CUL9: variants seen among roughly 807,000 people sequenced by gnomAD.
CUL9 encodes the protein cullin-9.
A neutral mutation model predicts 272.6 loss-of-function variants in CUL9; 79 were observed. The ratio of observed to expected loss-of-function variants is 0.29; its 90% CI spans 0.24 to 0.35. The LOEUF is 0.35. CUL9 is among the 10% of genes least tolerant of loss of function. The pLI is 1.00. For synonymous variants in CUL9, 1,186 were observed against 1,286.5 expected (o/e 0.92, Z 1.67); for missense variants, 2,532 against 3,255.6 (o/e 0.78, Z 5.41).
chr6:43,191,252 T>TTGTGTGTGTGTGTGTGTGTG (rs58122260), intron 8 of CUL9, among the ~76,000 whole-genome samples: 1 of 126,974 alleles, frequency 7.9e-6, no homozygotes, highest in African/African-American at 3.2e-5. Context: ...CTAAATTGCA[T>TTGTGTGTGTGTGTGTGTGTG]TGTGTGTGTG....
Position 43,205,039 on chromosome 6 carries a change from G to A in CUL9, c.4556G>A (p.Arg1519Gln), listed in dbSNP as rs1270080849. The change falls in exon 23 of 41, where the codon CGG becomes CAG. Residue 1519 changes from arginine to glutamine, a missense_variant. By Grantham distance (43) the Arg-to-Gln change is conservative (BLOSUM62 1). This residue lies in a region of CUL9 where 2,218 missense variants were observed against 2,788.6 expected (regional missense o/e 0.80). Transcript: ENST00000252050. ...QRAGSELFGP[R>Q]AAFMLALRSG... ...GCAGGCTCCGAGCTGTTTGGGCCTC[G>A]GGCAGCCTTCATGCTGGCTCTGCGC... is the stretch of plus-strand genomic sequence containing the variant. 1.9e-6 allele frequency: 3 copies of A among 1,612,422 alleles called. No individual in the cohort carries two copies. The highest frequency in any genetic ancestry group is 2.7e-5 in the African/African-American group (2 of 74,892).
chr6:43,201,059 C>G (rs2150574195), intron 16 of CUL9, among the ~76,000 whole-genome samples: 1 of 152,316 alleles, frequency 6.6e-6, no homozygotes, highest in African/African-American at 2.4e-5. Context: ...TGGCACTGCC[C>G]TGTGCTTAGT....
chr6:43,216,115 GC>G, intron 30 of CUL9, 42 bp from the exon 31 acceptor site: 1 of 1,552,480 alleles, frequency 6.4e-7, no homozygotes, highest in Non-Finnish European at 8.8e-7. Flanking sequence ...AGGCTGGATA[GC>G]AGGGCAGGAA....
rs1774373449 is a variant in CUL9, at chr6:43,199,975, A to G, written c.3203A>G (p.His1068Arg). The G allele has an allele frequency of 5.0e-6, 8 of 1,614,230 alleles. No individual in the cohort carries two copies. Among genetic ancestry groups the G allele is most frequent in the South Asian group, 1.1e-5 (1 of 91,086 alleles). The change falls in exon 14 of 41, where the codon CAT becomes CGT. Residue 1068 changes from histidine to arginine, a missense_variant. By Grantham distance (29) the His-to-Arg change is conservative. Coordinates refer to ENST00000252050, the MANE Select transcript of CUL9 (RefSeq NM_015089.4). This position sits in a 1 kb window ranked among gnomAD's most constrained non-coding sequence, Gnocchi z 4.4. ...TTCCTACATCGCCTGGCCTCGATGC[A>G]TAAGGACTATGCTGTGGTGCTCTGC... ...TCFLHRLASM[H>R]KDYAVVLCCL...
Position 43,223,545 on chromosome 6 carries a change from CT to C in CUL9, c.7284+152del, listed in dbSNP as rs1582447707. ...TGTTAGACCTGGGCGCACATCCCGG[CT>C]TTTGGGCCAACCTGCCTGATGCTGC... On this transcript the variant is annotated intron_variant, in intron 39 of 40. Coordinates refer to ENST00000252050, the MANE Select transcript of CUL9 (RefSeq NM_015089.4). The surrounding 1 kb of genome is among the most constrained non-coding windows in gnomAD (Gnocchi z 4.1). 9.9e-6 allele frequency: 11 copies of C among 1,112,042 alleles called. No individual in the cohort carries two copies. The East Asian group carries it at 2.9e-4, about 29-fold the overall frequency. The allele number at this position is 1,112,042 out of a possible 1,614,324, so 68.9% of individuals were successfully genotyped here.
intron 10 of CUL9, 26 bp from the exon 11 acceptor site, chr6:43,196,619 C>T (rs781156680): frequency 6.3e-7 from 1 of 1,586,934 alleles, no homozygotes; most frequent in Non-Finnish European, 8.7e-7. Context: ...CTCTCAGTTT[C>T]TTCCTGGTCA....
Position 43,221,613 on chromosome 6 carries a change from C to A in CUL9, c.6753-72C>A. ...GGCCACAGCATCAACAGCGGTACATCTGGGCCCTTGGCATTCCTGGCACAC... is the reference window on the plus strand; with the variant it reads ...GGCCACAGCATCAACAGCGGTACATATGGGCCCTTGGCATTCCTGGCACAC... On this transcript the variant is annotated intron_variant, in intron 34 of 40. Coordinates refer to ENST00000252050, the MANE Select transcript of CUL9 (RefSeq NM_015089.4). This position sits in a 1 kb window ranked among gnomAD's most constrained non-coding sequence, Gnocchi z 4.2. 7.2e-7 allele frequency: 1 copy of A among 1,392,786 alleles called. No homozygotes were observed. The highest frequency in any genetic ancestry group is 1.0e-6 in the Non-Finnish European group (1 of 991,876). 86.3% of individuals were successfully genotyped at this position (1,392,786 alleles called of 1,614,324 possible). A position where few individuals can be genotyped will look rare whatever the true frequency, so the allele number is the denominator to read the frequency against.
rs1425179410 is a variant in CUL9 at position 43,203,055 on chromosome 6, C to T, written c.3754-54C>T. The T allele has an allele frequency of 1.3e-6, 2 of 1,591,630 alleles. No homozygotes were observed. The highest frequency in any genetic ancestry group is 1.7e-6 in the Non-Finnish European group (2 of 1,161,482). ...ACTTGGTTACTGTCAACAATTTTTCCAACCTTGTTTCTGGAGGTGACAGTT... is the reference window on the plus strand; with the variant it reads ...ACTTGGTTACTGTCAACAATTTTTCTAACCTTGTTTCTGGAGGTGACAGTT... On this transcript the variant is annotated intron_variant, in intron 17 of 40. Coordinates refer to ENST00000252050, the MANE Select transcript of CUL9 (RefSeq NM_015089.4). The surrounding 1 kb of genome is among the most constrained non-coding windows in gnomAD (Gnocchi z 5.0).
At chr6:43,191,539 C>G (rs532377794) in intron 8 of CUL9, among the ~76,000 whole-genome samples, 4 of 140,644 alleles carry the variant, frequency 2.8e-5, no homozygotes, top group Non-Finnish European at 6.1e-5. Context: ...ACTATGTTGC[C>G]CAGGCTGGTT....
At position 43,221,582 on chromosome 6, in the gene CUL9, A is replaced by C; in HGVS notation, c.6753-103A>C. ...TGACTAAGGAGACTATCAGGGCAGG[A>C]GCAGAGGCCACAGCATCAACAGCGG... is the stretch of plus-strand genomic sequence containing the variant. On this transcript the variant is annotated intron_variant, in intron 34 of 40. Transcript: ENST00000252050. The surrounding 1 kb of genome is among the most constrained non-coding windows in gnomAD (Gnocchi z 4.2). 9.1e-7 allele frequency: 1 copy of C among 1,102,050 alleles called. No individual in the cohort carries two copies. The highest frequency in any genetic ancestry group is 1.3e-6 in the Non-Finnish European group (1 of 754,962). 68.3% of individuals were successfully genotyped at this position (1,102,050 alleles called of 1,614,324 possible). A position where few individuals can be genotyped will look rare whatever the true frequency, so the allele number is the denominator to read the frequency against.
At chr6:43,215,388 T>TC (rs1233881075) in intron 30 of CUL9, 62 bp downstream of exon 30, 19 of 1,523,288 alleles carry the variant, frequency 1.2e-5, no homozygotes, top group African/African-American at 2.8e-5. Context: ...AAAGCCAAGA[T>TC]CCCTTGTGGA....
In CUL9 at chr6:43,200,645, C is replaced by T. The variant is rs773424673; in HGVS notation, c.3476-18C>T. 2.5e-6 allele frequency: 4 copies of T among 1,614,036 alleles called. No individual in the cohort carries two copies. The highest frequency in any genetic ancestry group is 1.1e-5 in the South Asian group (1 of 91,082). On this transcript the variant is annotated intron_variant, in intron 15 of 40. Transcript: ENST00000252050. The surrounding 1 kb of genome is among the most constrained non-coding windows in gnomAD (Gnocchi z 4.0). ...ACTAACCTAGCTGTGACTGCCACCC[C>T]TTCCCACTTGCCCCCAGGCTCCAGT... is the stretch of plus-strand genomic sequence containing the variant.
chr6:43,198,877 C>A, intron 12 of CUL9, 22 bp downstream of exon 12: 1 of 1,605,772 alleles, frequency 6.2e-7, no homozygotes, highest in Non-Finnish European at 8.5e-7. Context: ...GTTGAGGCAC[C>A]ATGCATTGGG....
chr6:43,189,600 A>G (rs746913008), intron 8 of CUL9, among the ~76,000 whole-genome samples: 6 of 151,346 alleles, frequency 4.0e-5, no homozygotes, highest in African/African-American at 9.7e-5. Context: ...CTAGAGTGCA[A>G]TAGTGTGATC....
chr6:43,184,312 TGGTGGGGGA>T lies in CUL9; in HGVS notation c.3_11del (p.MetValGlyGlu1_?4). 1 of 1,505,956 alleles carries T rather than the reference TGGTGGGGGA, an allele frequency of 6.6e-7. No individual in the cohort carries two copies. The highest frequency in any genetic ancestry group is 8.9e-7 in the Non-Finnish European group (1 of 1,123,192). The allele number at this position is 1,505,956 out of a possible 1,614,324, so 93.3% of individuals were successfully genotyped here. ...CCTTGTGTATCCCAGGAGGTCAGGA[TGGTGGGGGA>T]ACGGCATGCTGGGGACCTCATGGTG... On this transcript the variant is annotated start_lost and inframe_deletion, in exon 2 of 41. Transcript: ENST00000252050. This position sits in a 1 kb window ranked among gnomAD's most constrained non-coding sequence, Gnocchi z 4.8.
At chr6:43,195,596 T>C (rs1390010649) in intron 9 of CUL9, among the ~76,000 whole-genome samples, 1 of 151,638 alleles carries the variant, frequency 6.6e-6, no homozygotes, top group African/African-American at 2.4e-5. Flanking sequence ...ACCAGAGAGG[T>C]AGGAGAAAAG....
chr6:43,182,400 C>T (rs1772467635), intron 1 of CUL9, among the ~76,000 whole-genome samples, 151 bp downstream of exon 1: 1 of 151,878 alleles, frequency 6.6e-6, no homozygotes, highest in Non-Finnish European at 1.5e-5. Flanking sequence ...ACCGCGCCCC[C>T]AACCATCCTT....
rs1296282435 is a variant in CUL9, at chr6:43,220,368, G to C, written c.6283-91G>C. The C allele has an allele frequency of 6.9e-7, 1 of 1,447,388 alleles. No individual in the cohort carries two copies. Among genetic ancestry groups the C allele is most frequent in the Non-Finnish European group, 9.5e-7 (1 of 1,050,148 alleles). 89.7% of individuals were successfully genotyped at this position (1,447,388 alleles called of 1,614,324 possible). On this transcript the variant is annotated intron_variant, in intron 31 of 40. Coordinates refer to ENST00000252050, the MANE Select transcript of CUL9 (RefSeq NM_015089.4). This position sits in a 1 kb window ranked among gnomAD's most constrained non-coding sequence, Gnocchi z 4.9. ...CTTCCACGTTGTAGTGGAGGGGAAG[G>C]GAAGGAGGGACGCTAGCTTAGTTAC...
intron 3 of CUL9, 72 bp from the exon 4 acceptor site, chr6:43,185,883 A>G (rs2150517033): frequency 6.6e-7 from 1 of 1,515,550 alleles, no homozygotes; most frequent in East Asian, 2.3e-5. Context: ...TCTGTAGAGG[A>G]GGATACTTCA....
Sources: gnomAD v4.1 joint callset for allele counts (sites outside exome capture counted in the v4.1 genomes callset) on GRCh38, gnomAD v4.1.1 for gene constraint, gnomAD v4.1.1 regional missense constraint, Gnocchi (gnomAD v3.1) non-coding constraint, MANE v1.5 for transcripts, NCBI Gene and HGNC (gene_info 2026-07-23, HGNC 2026-07-21) for gene names.